The following TNFAIP8L3 variants were observed in gnomAD, a reference collection of about 807,000 sequenced individuals.
The protein encoded by TNFAIP8L3 is TNF alpha induced protein 8 like 3.
A neutral mutation model predicts 11.8 loss-of-function variants in TNFAIP8L3; 7 were observed. The ratio of observed to expected loss-of-function variants is 0.59; its 90% confidence interval spans 0.34 to 1.11. TNFAIP8L3 has a LOEUF of 1.11. Ranked by LOEUF, TNFAIP8L3 falls within the 50% of genes most tolerant of loss-of-function variation. The probability of loss-of-function intolerance (pLI) is 0.03; values close to 1 mark genes in which losing one functional copy is unlikely to be tolerated. For synonymous variants in TNFAIP8L3, 98 were observed against 103.8 expected (o/e 0.94, Z 0.34); for missense variants, 219 against 258.6 (o/e 0.85, Z 1.05).
At chr15:51,102,666 G>A (rs1472893214) in intron 1 of TNFAIP8L3, among the ~76,000 whole-genome samples, 1 of 152,194 alleles carries the variant, frequency 6.6e-6, no homozygotes, top group Non-Finnish European at 1.5e-5. Flanking sequence ...TTTGCCCAGA[G>A]TTAAGAACAA....
chr15:51,102,559 A>G (rs550052249), intron 1 of TNFAIP8L3, among the ~76,000 whole-genome samples: 9 of 152,352 alleles, frequency 5.9e-5, no homozygotes, highest in South Asian at 2.1e-4. Context: ...ATCTACACCC[A>G]GTCGAGGGCT....
chr15:51,095,816 G>T (rs2065510077), upstream of TNFAIP8L3, among the ~76,000 whole-genome samples: 1 of 152,218 alleles, frequency 6.6e-6, no homozygotes, highest in South Asian at 2.1e-4. Context: ...GCCTCAAGCT[G>T]GGTTCTCTGC....
At chr15:51,078,386 G>A (rs1428029287) in intron 1 of TNFAIP8L3, among the ~76,000 whole-genome samples, 2 of 151,966 alleles carry the variant, frequency 1.3e-5, no homozygotes. Flanking sequence ...CGATACACAC[G>A]GCTTACCTGG....
intron 1 of TNFAIP8L3, among the ~76,000 whole-genome samples, chr15:51,102,803 A>G (rs1447532677): frequency 1.3e-5 from 2 of 151,966 alleles, no homozygotes; most frequent in African/African-American, 2.4e-5. Context: ...TACTACATCC[A>G]GTTTTCATTT....
chr15:51,068,660 G>GTTTTTTTTTTTTT (rs113982459), intron 1 of TNFAIP8L3, among the ~76,000 whole-genome samples: 1 of 116,342 alleles, frequency 8.6e-6, no homozygotes, highest in Non-Finnish European at 1.8e-5. Context: ...CACCCCTCCT[G>GTTTTTTTTTTTTT]TTTTTTTTTT....
chr15:51,060,590 G>A (rs981859411), intron 1 of TNFAIP8L3, among the ~76,000 whole-genome samples: 12 of 152,222 alleles, frequency 7.9e-5, no homozygotes, highest in African/African-American at 2.9e-4. Flanking sequence ...TGAGGGCAGG[G>A]ACTTGTGTCT....
chr15:51,101,634 AAAAG>A (rs910882191), intron 1 of TNFAIP8L3, among the ~76,000 whole-genome samples: 17 of 151,344 alleles, frequency 1.1e-4, no homozygotes, highest in South Asian at 1.0e-3. Flanking sequence ...ACAAAAAAAA[AAAAG>A]AAAGAAAGAA....
At chr15:51,071,836 A>T (rs1486305364) in intron 1 of TNFAIP8L3, among the ~76,000 whole-genome samples, 1 of 152,190 alleles carries the variant, frequency 6.6e-6, no homozygotes, top group East Asian at 1.9e-4. Flanking sequence ...CAACACTTCA[A>T]ATCATCCAAC....
At chr15:51,101,945 C>CAAAAAAAAAAA (rs11297566) in intron 1 of TNFAIP8L3, among the ~76,000 whole-genome samples, 23 of 85,578 alleles carry the variant, frequency 2.7e-4, no homozygotes, top group South Asian at 4.2e-4. Context: ...GACTCTGTCT[C>CAAAAAAAAAAA]AAAAAAAAAA....
chr15:51,094,557 G>C lies in TNFAIP8L3; in HGVS notation c.39C>G (p.Pro13=), dbSNP rs1254032347. ...GCCCCTAGGTACCTGCGGCGGTCAC[G>C]GGCTCGCCCTCGCTCTGCTCCCCGG... ...SDSGEQSEGE[P]VTAAGPDVFS... Residue 13 remains proline, a synonymous_variant, in exon 1 of 2, where the codon CCC becomes CCG. Transcript: ENST00000637513. This position sits in a 1 kb window ranked among gnomAD's most constrained non-coding sequence, Gnocchi z 4.4. The C allele has an allele frequency of 2.7e-6, 4 of 1,503,582 alleles. No individual in the cohort carries two copies. The highest frequency in any genetic ancestry group is 3.5e-6 in the Non-Finnish European group (4 of 1,131,014). 93.1% of individuals were successfully genotyped at this position (1,503,582 alleles called of 1,614,324 possible).
In TNFAIP8L3 at chr15:51,094,568, C is replaced by T. The variant is rs750103786; in HGVS notation, c.28G>A (p.Glu10Lys). Residue 10 changes from glutamate (E) to lysine (K), a missense_variant, in exon 1 of 2, where the codon GAG (glutamate) becomes AAG (lysine). Glu to Lys is a moderately conservative substitution (Grantham distance 56). Coordinates refer to ENST00000637513, the MANE Select transcript of TNFAIP8L3 (RefSeq NM_001311175.2). This position sits in a 1 kb window ranked among gnomAD's most constrained non-coding sequence, Gnocchi z 4.4. Reference protein sequence around the residue: MDSDSGEQSEGEPVTAAGPD... With the variant: MDSDSGEQSKGEPVTAAGPD... ...CCTGCGGCGGTCACGGGCTCGCCCT[C>T]GCTCTGCTCCCCGGAATCCGAATCC... The T allele has an allele frequency of 2.0e-6, 3 of 1,503,068 alleles. No individual in the cohort carries two copies. The highest frequency in any genetic ancestry group is 2.7e-6 in the Non-Finnish European group (3 of 1,130,838). The allele number at this position is 1,503,068 out of a possible 1,614,324, so 93.1% of individuals were successfully genotyped here. A position where few individuals can be genotyped will look rare whatever the true frequency, so the allele number is the denominator to read the frequency against.
At chr15:51,078,889 A>C (rs1418001018) in intron 1 of TNFAIP8L3, among the ~76,000 whole-genome samples, 1 of 152,090 alleles carries the variant, frequency 6.6e-6, no homozygotes, top group Non-Finnish European at 1.5e-5. Context: ...TCGCTACCTC[A>C]GTACAGACCC....
At chr15:51,081,917 T>A (rs973143921) in intron 1 of TNFAIP8L3, among the ~76,000 whole-genome samples, 1 of 152,172 alleles carries the variant, frequency 6.6e-6, no homozygotes, top group Non-Finnish European at 1.5e-5. Context: ...TATTCCCTGA[T>A]CTCTCCTTTT....
chr15:51,102,048 AAG>A (rs1312185123), intron 1 of TNFAIP8L3, among the ~76,000 whole-genome samples: 1 of 152,264 alleles, frequency 6.6e-6, no homozygotes, highest in East Asian at 1.9e-4. Flanking sequence ...GTACAGGAAT[AAG>A]AAAGTGTTTT....
chr15:51,094,727 G>T lies in TNFAIP8L3; in HGVS notation c.-132C>A. 1.0e-5 allele frequency: 10 copies of T among 984,550 alleles called. No individual in the cohort carries two copies. Among genetic ancestry groups the T allele is most frequent in the Non-Finnish European group, 1.2e-5 (10 of 830,766 alleles). 61.0% of individuals were successfully genotyped at this position (984,550 alleles called of 1,614,324 possible). On this transcript the variant is annotated 5_prime_UTR_variant, in exon 1 of 2. Transcript: ENST00000637513. This position sits in a 1 kb window ranked among gnomAD's most constrained non-coding sequence, Gnocchi z 4.4. ...GCGCGGGCGGCGCGGGCTGGGCGGT[G>T]CGCGGCGGCAGCGGCCAGGGGGCGG...
At chr15:51,061,964 ACCC>A (rs1287664189) in intron 1 of TNFAIP8L3, among the ~76,000 whole-genome samples, 1 of 152,022 alleles carries the variant, frequency 6.6e-6, no homozygotes, top group Non-Finnish European at 1.5e-5. Context: ...GAGGTTTTGT[ACCC>A]CCAGGGCAAA....
chr15:51,085,055 G>A (rs1346971235), intron 1 of TNFAIP8L3, among the ~76,000 whole-genome samples: 1 of 152,144 alleles, frequency 6.6e-6, no homozygotes, highest in African/African-American at 2.4e-5. Context: ...ACCAGATACT[G>A]CTGTGGGCTC....
Position 51,094,562 on chromosome 15 carries a change from C to T in TNFAIP8L3, c.34G>A (p.Glu12Lys), listed in dbSNP as rs867642638. ...DSDSGEQSEGEPVTAAGPDVF... is the reference protein window; with the variant it reads ...DSDSGEQSEGKPVTAAGPDVF... The stretch of plus-strand genomic sequence containing the variant: ...TAGGTACCTGCGGCGGTCACGGGCT[C>T]GCCCTCGCTCTGCTCCCCGGAATCC... Residue 12 changes from glutamate to lysine, a missense_variant, in exon 1 of 2, where the codon GAG becomes AAG. By Grantham distance (56) the Glu-to-Lys change is moderately conservative (BLOSUM62 1). Transcript: ENST00000637513. This position sits in a 1 kb window ranked among gnomAD's most constrained non-coding sequence, Gnocchi z 4.4. 3 of 1,502,326 alleles carry T rather than the reference C, an allele frequency of 2.0e-6. No homozygotes were observed. Among genetic ancestry groups the T allele is most frequent in the South Asian group, 2.5e-5 (2 of 81,614 alleles). The allele number at this position is 1,502,326 out of a possible 1,614,324, so 93.1% of individuals were successfully genotyped here. A position where few individuals can be genotyped will look rare whatever the true frequency, so the allele number is the denominator to read the frequency against.
chr15:51,089,405 G>A (rs547874118), intron 1 of TNFAIP8L3, among the ~76,000 whole-genome samples: 3 of 152,350 alleles, frequency 2.0e-5, no homozygotes, highest in African/African-American at 7.2e-5. Context: ...GGAAGGGCTG[G>A]TGTCAAGGGA....
Sources: allele counts gnomAD v4.1 joint callset (sites outside exome capture counted in the v4.1 genomes callset), GRCh38; gene constraint gnomAD v4.1.1; non-coding constraint Gnocchi (gnomAD v3.1); transcripts MANE v1.5; gene names NCBI Gene and HGNC (gene_info 2026-07-23, HGNC 2026-07-21).